Variants in MEGF9 observed in about 807,000 individuals in gnomAD.
The protein encoded by MEGF9 is multiple EGF like domains 9, also known as multiple epidermal growth factor-like domains protein 9.
In MEGF9, 6 loss-of-function variants were observed where a neutral mutation model predicts 46.8. That is an observed-to-expected ratio of 0.13 (90% CI 0.07 to 0.25). The LOEUF is 0.25. Among genes scored for constraint, MEGF9 ranks in the 10% least tolerant of loss-of-function variants. The probability of loss-of-function intolerance (pLI) is 1.00; values close to 1 mark genes in which losing one functional copy is unlikely to be tolerated. For synonymous variants in MEGF9, 302 were observed against 330.7 expected (o/e 0.91, Z 0.94); for missense variants, 683 against 792.4 (o/e 0.86, Z 1.66).
intron 4 of MEGF9, among the ~76,000 whole-genome samples, chr9:120,611,202 G>C (rs530371029): frequency 3.3e-5 from 5 of 152,172 alleles, no homozygotes; most frequent in African/African-American, 1.2e-4. Context: ...TCCTCAAGAG[G>C]ATAAACATAG....
chr9:120,711,844 T>TACACACACACACACAC (rs924373123), intron 1 of MEGF9, among the ~76,000 whole-genome samples: 25 of 143,470 alleles, frequency 1.7e-4, no homozygotes, highest in African/African-American at 5.4e-4. Flanking sequence ...CATACATACA[T>TACACACACACACACAC]ACACACACAC....
rs1032055600 is a variant in MEGF9 at position 120,603,648 on chromosome 9, C to T, written c.*1542G>A. On this transcript the variant is annotated 3_prime_UTR_variant, in exon 6 of 6. Coordinates refer to ENST00000373930, the MANE Select transcript of MEGF9 (RefSeq NM_001080497.3). ...TAAGTTATATTTAACATCTGACCAC[C>T]TTTCCCACCCACCTTGCTTAACCCA... The T allele has an allele frequency of 6.6e-6, 1 of 152,202 alleles. No homozygotes were observed. Among genetic ancestry groups the T allele is most frequent in the African/African-American group, 2.4e-5 (1 of 41,454 alleles). The allele number at this position is 152,202 out of a possible 1,614,324, so 9.4% of individuals were successfully genotyped here.
chr9:120,711,867 ACACACC>A (rs2043955077), intron 1 of MEGF9, among the ~76,000 whole-genome samples: 1 of 150,190 alleles, frequency 6.7e-6, no homozygotes, highest in Non-Finnish European at 1.5e-5. Context: ...ACACACACAC[ACACACC>A]CACAGGCCTG....
Position 120,650,040 on chromosome 9 carries a change from G to A in MEGF9, c.803+9334C>T, listed in dbSNP as rs543652743. Among the ~76,000 whole-genome samples, 34 of 152,294 alleles carry A rather than the reference G, an allele frequency of 2.2e-4. No individual in the cohort carries two copies. In the East Asian group the frequency reaches 6.4e-3, roughly 29 times the overall value. On this transcript the variant is annotated intron_variant, in intron 2 of 5. Transcript: ENST00000373930. ...CCAGCACTTTGGGAGGCTGAGTCGGGTGGATCACAAGGTCAGGAGTTCAAG... is the reference window on the plus strand; with the variant it reads ...CCAGCACTTTGGGAGGCTGAGTCGGATGGATCACAAGGTCAGGAGTTCAAG...
chr9:120,674,472 T>C lies in MEGF9; in HGVS notation c.602-14897A>G, dbSNP rs529235774. Among the ~76,000 whole-genome samples, 3 of 152,258 alleles carry C rather than the reference T, an allele frequency of 2.0e-5. No homozygotes were observed. The South Asian group carries it at 6.2e-4, about 32-fold the overall frequency. ...AAGAGAATGGCAAATTTCAAAAAAC[T>C]GTCAATACCAAATACCACAATGCTG... is the stretch of plus-strand genomic sequence containing the variant. On this transcript the variant is annotated intron_variant, in intron 1 of 5. Coordinates refer to ENST00000373930, the MANE Select transcript of MEGF9 (RefSeq NM_001080497.3).
chr9:120,713,811 C>T lies in MEGF9; in HGVS notation c.548G>A (p.Ser183Asn). The T allele has an allele frequency of 7.7e-7, 1 of 1,298,058 alleles. No individual in the cohort carries two copies. Among genetic ancestry groups the T allele is most frequent in the East Asian group, 2.8e-5 (1 of 35,640 alleles). 80.4% of individuals were successfully genotyped at this position (1,298,058 alleles called of 1,614,324 possible). A position where few individuals can be genotyped will look rare whatever the true frequency, so the allele number is the denominator to read the frequency against. ...PTPDLPSSSN[S>N]SVLPTPPATE... ...GGCAGGTGGGGTGGGGAGGACGCTG[C>T]TGTTGCTGCTGCTGGGGAGATCGGG... Residue 183 changes from serine to asparagine, a missense_variant, in exon 1 of 6, where the codon AGC (serine) becomes AAC (asparagine). Transcript: ENST00000373930.
At chr9:120,654,036 C>T (rs866177770) in intron 2 of MEGF9, among the ~76,000 whole-genome samples, 6 of 152,084 alleles carry the variant, frequency 3.9e-5, no homozygotes, top group East Asian at 1.9e-4. Context: ...GTTTTTAGGA[C>T]GGAGGCTGGG....
chr9:120,612,980 G>A (rs867724824), intron 3 of MEGF9, among the ~76,000 whole-genome samples: 2 of 150,274 alleles, frequency 1.3e-5, no homozygotes, highest in South Asian at 2.1e-4. Flanking sequence ...GGGACTACAG[G>A]AGCATGCCAT....
intron 2 of MEGF9, among the ~76,000 whole-genome samples, chr9:120,651,903 G>A (rs886531478): frequency 2.6e-5 from 4 of 151,346 alleles, no homozygotes; most frequent in East Asian, 1.9e-4. Flanking sequence ...CACCCACCTC[G>A]GCCTCCCAAA....
chr9:120,609,300 T>C lies in MEGF9; in HGVS notation c.1088-1290A>G, dbSNP rs576803929. Among the ~76,000 whole-genome samples, 438 of 70,634 alleles carry C rather than the reference T, an allele frequency of 6.2e-3. 4 individuals carry two copies. The highest frequency in any genetic ancestry group is 0.016 in the African/African-American group (420 of 26,260). The allele number at this position is 70,634 out of a possible 152,430, so 46.3% of individuals were successfully genotyped here. On this transcript the variant is annotated intron_variant, in intron 4 of 5. Transcript: ENST00000373930. ...ACTTTCTCTGCATGGGACATCCTCT[T>C]GTCTCTCTTTCTAGTTCAGTTAGCA...
At position 120,659,484 on chromosome 9, in the gene MEGF9, C is replaced by T; in HGVS notation, c.693G>A (p.Gln231=). The T allele has an allele frequency of 1.2e-6, 2 of 1,613,780 alleles. No individual in the cohort carries two copies. Among genetic ancestry groups the T allele is most frequent in the Non-Finnish European group, 1.7e-6 (2 of 1,179,832 alleles). ...CTTTGCAGGTTTCACAGTGAAGCCC[C>T]TGATAACCTGGCCGACACTCACACT... is the stretch of plus-strand genomic sequence containing the variant. ...TGQCECRPGY[Q]GLHCETCKEG... Residue 231 remains glutamine, a synonymous_variant, in exon 2 of 6, where the codon CAG becomes CAA. Coordinates refer to ENST00000373930, the MANE Select transcript of MEGF9 (RefSeq NM_001080497.3).
At position 120,605,319 on chromosome 9, in the gene MEGF9, G is replaced by T. The variant is rs1250797304; in HGVS notation, c.1680C>A (p.Ile560=). The change falls in exon 6 of 6, where the codon ATC becomes ATA. Residue 560 remains isoleucine, a synonymous_variant. Transcript: ENST00000373930. The surrounding 1 kb of genome is among the most constrained non-coding windows in gnomAD (Gnocchi z 4.0). ...FWTIELKEDN[I]SFSSYHDSIP... ...TGCTGTCATGGTAGCTGCTGAAACT[G>T]ATATTGTCTTCTTTCAGCTCGATGG... is the stretch of plus-strand genomic sequence containing the variant. The T allele has an allele frequency of 1.2e-6, 2 of 1,614,036 alleles. No homozygotes were observed. The highest frequency in any genetic ancestry group is 2.2e-5 in the South Asian group (2 of 91,082).
At chr9:120,657,684 G>A (rs1380013775) in intron 2 of MEGF9, among the ~76,000 whole-genome samples, 1 of 152,180 alleles carries the variant, frequency 6.6e-6, no homozygotes, top group African/African-American at 2.4e-5. Flanking sequence ...GTTTTAGGGG[G>A]AGTGGAGGGA....
chr9:120,634,337 T>C (rs550060343), intron 2 of MEGF9, among the ~76,000 whole-genome samples: 1 of 152,158 alleles, frequency 6.6e-6, no homozygotes, highest in East Asian at 1.9e-4. Context: ...TTTATCACTA[T>C]ATAATGACCT....
rs181563950 is a variant in MEGF9, at chr9:120,603,622, A to G, written c.*1568T>C. 2.0e-5 allele frequency: 3 copies of G among 152,254 alleles called. No homozygotes were observed. Among genetic ancestry groups the G allele is most frequent in the Admixed American group, 2.0e-4 (3 of 15,276 alleles). 9.4% of individuals were successfully genotyped at this position (152,254 alleles called of 1,614,324 possible). ...ACTTCACAGTTCACTGTTCCTCCTA[A>G]TAAGTTATATTTAACATCTGACCAC... On this transcript the variant is annotated 3_prime_UTR_variant, in exon 6 of 6. Transcript: ENST00000373930.
At chr9:120,630,666 C>T (rs1189543825) in intron 2 of MEGF9, among the ~76,000 whole-genome samples, 3 of 152,142 alleles carry the variant, frequency 2.0e-5, no homozygotes, top group African/African-American at 7.2e-5. Context: ...GCATCTTTGC[C>T]AGCATGTATT....
chr9:120,683,007 A>G (rs1041417766), intron 1 of MEGF9, among the ~76,000 whole-genome samples: 3 of 152,214 alleles, frequency 2.0e-5, no homozygotes, highest in Non-Finnish European at 2.9e-5. Flanking sequence ...AGTAGAGAAA[A>G]TGTACTTGTT....
rs57268783 is a variant in MEGF9 at position 120,652,478 on chromosome 9, T to TAA, written c.803+6894_803+6895dup. Reference sequence around the variant, plus strand: ...TGGGTGACAGAGCGAGATCTTGTCTTAAAAAAAAAAAAAAAAAAAAAAAAA... The same window carrying TAA: ...TGGGTGACAGAGCGAGATCTTGTCTTAAAAAAAAAAAAAAAAAAAAAAAAAAA... On this transcript the variant is annotated intron_variant, in intron 2 of 5. Coordinates refer to ENST00000373930, the MANE Select transcript of MEGF9 (RefSeq NM_001080497.3). 9.5e-3 allele frequency among the ~76,000 whole-genome samples: 810 copies of TAA among 85,586 alleles called. 10 individuals are homozygous for TAA. The highest frequency in any genetic ancestry group is 0.027 in the African/African-American group (594 of 22,078). The allele number at this position is 85,586 out of a possible 152,430, so 56.1% of individuals were successfully genotyped here.
chr9:120,671,595 A>G (rs1325548165), intron 1 of MEGF9, among the ~76,000 whole-genome samples: 1 of 152,242 alleles, frequency 6.6e-6, no homozygotes, highest in African/African-American at 2.4e-5. Context: ...TCCTATACCT[A>G]TTAAAGAAAT....
Sources: allele counts gnomAD v4.1 joint callset (sites outside exome capture counted in the v4.1 genomes callset), GRCh38; gene constraint gnomAD v4.1.1; non-coding constraint Gnocchi (gnomAD v3.1); transcripts MANE v1.5; gene names NCBI Gene and HGNC (gene_info 2026-07-23, HGNC 2026-07-21).